Variants in EML6 observed in about 807,000 individuals in gnomAD.
The protein encoded by EML6 is EMAP like 6, also known as echinoderm microtubule-associated protein-like 6.
A neutral mutation model predicts 240.1 loss-of-function variants in EML6; 154 were observed. That is an observed-to-expected ratio of 0.64 (90% CI 0.56 to 0.73). The LOEUF is 0.73. Ranked by LOEUF, EML6 falls within the 30% of genes least tolerant of loss-of-function variation. The probability of loss-of-function intolerance (pLI) is 0.00; values close to 1 mark genes in which losing one functional copy is unlikely to be tolerated. For missense variants in EML6, 2,964 were observed against 2,474.6 expected, an observed-to-expected ratio of 1.20 and a Z score of -4.20; for synonymous variants, 1,148 against 899.0, an observed-to-expected ratio of 1.28 and a Z score of -4.95.
At chr2:54,764,451 G>T (rs2103773236) in intron 2 of EML6, among the ~76,000 whole-genome samples, 1 of 152,174 alleles carries the variant, frequency 6.6e-6, no homozygotes, top group South Asian at 2.1e-4. Context: ...TATTGCTCGT[G>T]AAACCTGGGG....
In EML6 at chr2:54,863,850, T is replaced by A. The variant is rs1385112904; in HGVS notation, c.1893T>A (p.Ser631=). 1.3e-6 allele frequency: 2 copies of A among 1,548,094 alleles called. No homozygotes were observed. Among genetic ancestry groups the A allele is most frequent in the Non-Finnish European group, 1.7e-6 (2 of 1,145,436 alleles). The change falls in exon 13 of 42, where the codon TCT becomes TCA. Residue 631 remains serine, a synonymous_variant. Transcript: ENST00000356458. ...TATCTGATGTGCCCGAACTGGACTCTGATATTGAGCAAGAAGCTCAAATCA... is the reference window on the plus strand; with the variant it reads ...TATCTGATGTGCCCGAACTGGACTCAGATATTGAGCAAGAAGCTCAAATCA... ...SDLSDVPELD[S]DIEQEAQINY...
chr2:54,940,464 T>A (rs566312588), intron 28 of EML6, among the ~76,000 whole-genome samples: 17 of 152,346 alleles, frequency 1.1e-4, no homozygotes, highest in South Asian at 8.3e-4. Context: ...ATATAAAATT[T>A]CACTGGATTA....
chr2:54,930,634 T>G (rs891872048), intron 28 of EML6, among the ~76,000 whole-genome samples: 12 of 152,084 alleles, frequency 7.9e-5, no homozygotes. Flanking sequence ...AGAAAACAAT[T>G]TTAAGATAAG....
At chr2:54,735,233 C>T (rs1683340929) in intron 2 of EML6, among the ~76,000 whole-genome samples, 1 of 152,236 alleles carries the variant, frequency 6.6e-6, no homozygotes, top group Admixed American at 6.5e-5. Flanking sequence ...CTTCTGGAGT[C>T]ATTGCATCGT....
chr2:54,948,996 G>T (rs537049283), intron 29 of EML6, 36 bp downstream of exon 29: 2 of 1,433,130 alleles, frequency 1.4e-6, no homozygotes, highest in Admixed American at 2.0e-5. Flanking sequence ...TGATATTGAC[G>T]TTCTAAGACA....
chr2:54,765,688 C>A lies in EML6; in HGVS notation c.197+40430C>A, dbSNP rs112888983. 9.4e-3 allele frequency among the ~76,000 whole-genome samples: 1,429 copies of A among 152,236 alleles called. 24 individuals are homozygous for A. Among genetic ancestry groups the A allele is most frequent in the African/African-American group, 0.033 (1,355 of 41,544 alleles). On this transcript the variant is annotated intron_variant, in intron 2 of 41. Coordinates refer to ENST00000356458, the MANE Select transcript of EML6 (RefSeq NM_001039753.4). ...TGTTAGCCAGGATGGTCTCGATCTC[C>A]TGACCTCGTGATCCACCAGTCTCGG...
At chr2:54,918,430 C>T (rs1674047849) in intron 26 of EML6, among the ~76,000 whole-genome samples, 1 of 152,194 alleles carries the variant, frequency 6.6e-6, no homozygotes, top group Admixed American at 6.5e-5. Flanking sequence ...CTCACTGCAG[C>T]CTCTACCTTC....
intron 2 of EML6, among the ~76,000 whole-genome samples, chr2:54,759,589 A>C (rs1003167766): frequency 4.6e-5 from 7 of 152,146 alleles, no homozygotes; most frequent in African/African-American, 1.7e-4. Context: ...ATAAATTAGC[A>C]ATGGATGCCA....
At chr2:54,750,279 C>T (rs1259966147) in intron 2 of EML6, among the ~76,000 whole-genome samples, 2 of 152,166 alleles carry the variant, frequency 1.3e-5, no homozygotes, top group Non-Finnish European at 2.9e-5. Flanking sequence ...CTGGAATGGC[C>T]AAGCTGGAAC....
chr2:54,852,483 G>C (rs1670145162), intron 10 of EML6, among the ~76,000 whole-genome samples: 1 of 152,112 alleles, frequency 6.6e-6, no homozygotes, highest in Admixed American at 6.5e-5. Flanking sequence ...CTTCATCACT[G>C]TCTTATTATT....
intron 26 of EML6, among the ~76,000 whole-genome samples, chr2:54,917,421 G>C (rs991536525): frequency 2.7e-5 from 4 of 147,652 alleles, no homozygotes; most frequent in Admixed American, 2.1e-4. Flanking sequence ...CTGGAGTGCA[G>C]TGGCGCCATC....
At chr2:54,791,551 A>T (rs1669453866) in intron 2 of EML6, among the ~76,000 whole-genome samples, 2 of 152,230 alleles carry the variant, frequency 1.3e-5, no homozygotes, top group Admixed American at 1.3e-4. Context: ...AGTTCCAGTC[A>T]GTGGATTCTA....
At chr2:54,791,699 C>A (rs566955514) in intron 2 of EML6, among the ~76,000 whole-genome samples, 1 of 152,082 alleles carries the variant, frequency 6.6e-6, no homozygotes, top group East Asian at 1.9e-4. Flanking sequence ...AGGCTAGAGC[C>A]AAGAGAACTG....
At position 54,847,486 on chromosome 2, in the gene EML6, G is replaced by T. The variant is rs1337548505; in HGVS notation, c.1050G>T (p.Arg350Ser). The part of the protein sequence containing the change: ...AVTGSDDRSV[R>S]LWSLADHALI... ...GTTTTGACTTCGTTCTTGTGCCTAG[G>T]CTGTGGAGCCTGGCTGATCATGCCT... Residue 350 changes from arginine to serine, a missense_variant and splice_region_variant, in exon 9 of 42, where the codon AGG becomes AGT. By Grantham distance (110) the Arg-to-Ser change is moderately radical. Transcript: ENST00000356458. 6.4e-7 allele frequency: 1 copy of T among 1,551,216 alleles called. No homozygotes were observed. The highest frequency in any genetic ancestry group is 1.2e-5 in the South Asian group (1 of 84,052).
Position 54,928,333 on chromosome 2 carries a change from G to A in EML6, c.3696G>A (p.Lys1232=). The part of the protein sequence containing the change: ...YPVKGQHARF[K]KYVGHSAHVT... The stretch of plus-strand genomic sequence containing the variant: ...TACAGGGACAGCACGCAAGATTCAA[G>A]AAGTATGTGGGGCACAGTGCACATG... Residue 1232 remains lysine (K), a synonymous_variant, in exon 27 of 42, where the codon AAG becomes AAA. Coordinates refer to ENST00000356458, the MANE Select transcript of EML6 (RefSeq NM_001039753.4). 6.4e-7 allele frequency: 1 copy of A among 1,552,112 alleles called. No homozygotes were observed. Among genetic ancestry groups the A allele is most frequent in the Non-Finnish European group, 8.7e-7 (1 of 1,147,102 alleles).
At chr2:54,947,546 A>G (rs567471620) in intron 28 of EML6, among the ~76,000 whole-genome samples, 1 of 152,302 alleles carries the variant, frequency 6.6e-6, no homozygotes, top group Admixed American at 6.5e-5. Flanking sequence ...TGACCTACCA[A>G]GAAACACTGG....
intron 5 of EML6, among the ~76,000 whole-genome samples, chr2:54,820,751 A>G (rs1259190565): frequency 6.6e-6 from 1 of 152,180 alleles, no homozygotes; most frequent in Non-Finnish European, 1.5e-5. Context: ...GTGGGATTGC[A>G]TGTTTTAAAA....
intron 11 of EML6, among the ~76,000 whole-genome samples, chr2:54,857,848 T>C (rs1420333403): frequency 6.6e-6 from 1 of 151,932 alleles, no homozygotes; most frequent in Non-Finnish European, 1.5e-5. Context: ...GCAGAGTGAG[T>C]GAGCGGGGAG....
At position 54,971,670 on chromosome 2, in the gene EML6, A is replaced by G. The variant is rs1677018843; in HGVS notation, c.*1575A>G. On this transcript the variant is annotated 3_prime_UTR_variant, in exon 42 of 42. Transcript: ENST00000356458. ...GCAGTAGAGTCCCTATGCAGTCCCA[A>G]TTCTGTTTTCTGTAACCATGTGACT... The G allele has an allele frequency of 6.6e-6, 1 of 152,166 alleles. No homozygotes were observed. Among genetic ancestry groups the G allele is most frequent in the African/African-American group, 2.4e-5 (1 of 41,442 alleles). The allele number at this position is 152,166 out of a possible 1,614,324, so 9.4% of individuals were successfully genotyped here. A position where few individuals can be genotyped will look rare whatever the true frequency, so the allele number is the denominator to read the frequency against.
Sources: gnomAD v4.1 joint callset for allele counts (sites outside exome capture counted in the v4.1 genomes callset) on GRCh38, gnomAD v4.1.1 for gene constraint, MANE v1.5 for transcripts, NCBI Gene and HGNC (gene_info 2026-07-23, HGNC 2026-07-21) for gene names.